The following RAPGEF2 variants were observed in gnomAD, a reference collection of about 807,000 sequenced individuals.
RAPGEF2 encodes Rap guanine nucleotide exchange factor 2, also known as PDZ domain containing guanine nucleotide exchange factor (GEF) 1.
Under a neutral mutation model 186.7 loss-of-function variants are expected in RAPGEF2, and 54 were observed. The ratio of observed to expected loss-of-function variants is 0.29; its 90% CI spans 0.23 to 0.36. The LOEUF is 0.36. RAPGEF2 is among the 10% of genes least tolerant of loss of function. RAPGEF2 has a pLI of 1.00. For synonymous variants in RAPGEF2, 712 were observed against 705.9 expected (o/e 1.01, Z -0.14); for missense variants, 1,532 against 2,045.0 (o/e 0.75, Z 4.84).
intron 3 of RAPGEF2, among the ~76,000 whole-genome samples, chr4:159,196,989 G>A (rs930723428): frequency 6.6e-6 from 1 of 152,196 alleles, no homozygotes; most frequent in East Asian, 1.9e-4. Flanking sequence ...CAACTTTACA[G>A]AATGGAAAAG....
intron 7 of RAPGEF2, among the ~76,000 whole-genome samples, chr4:159,275,048 G>GTC (rs1002098128): frequency 1.6e-5 from 2 of 122,542 alleles, no homozygotes; most frequent in African/African-American, 6.2e-5. Context: ...GTTTTTCTCT[G>GTC]TCTCTCGTGT....
intron 1 of RAPGEF2, among the ~76,000 whole-genome samples, chr4:159,127,678 T>G (rs928093447): frequency 2.0e-5 from 3 of 152,244 alleles, no homozygotes; most frequent in Non-Finnish European, 4.4e-5. Flanking sequence ...TTATAATACC[T>G]TAGCATTCCT....
At chr4:159,143,389 TCA>T (rs1169199249) in intron 1 of RAPGEF2, among the ~76,000 whole-genome samples, 1 of 152,194 alleles carries the variant, frequency 6.6e-6, no homozygotes, top group Non-Finnish European at 1.5e-5. Flanking sequence ...CTGTGGAAAC[TCA>T]CACAATAGAT....
At chr4:159,285,587 G>T (rs564702575) in intron 7 of RAPGEF2, among the ~76,000 whole-genome samples, 1 of 152,296 alleles carries the variant, frequency 6.6e-6, no homozygotes, top group East Asian at 1.9e-4. Flanking sequence ...AAGCAAAAGT[G>T]TAGACGTTTA....
intron 8 of RAPGEF2, among the ~76,000 whole-genome samples, chr4:159,314,268 C>T (rs910290171): frequency 6.6e-6 from 1 of 152,196 alleles, no homozygotes; most frequent in Admixed American, 6.5e-5. Flanking sequence ...TTAGCCTAAG[C>T]CATTCTCTTT....
chr4:159,297,312 G>A (rs934369853), intron 7 of RAPGEF2, among the ~76,000 whole-genome samples: 1 of 152,156 alleles, frequency 6.6e-6, no homozygotes, highest in Non-Finnish European at 1.5e-5. Context: ...AGTGTGCTCC[G>A]TATGGCAGGA....
chr4:159,354,268 C>T (rs774636109), intron 28 of RAPGEF2, among the ~76,000 whole-genome samples: 1 of 152,172 alleles, frequency 6.6e-6, no homozygotes, highest in Non-Finnish European at 1.5e-5. Flanking sequence ...TATAACAAAA[C>T]ATTCAATAAA....
intron 1 of RAPGEF2, among the ~76,000 whole-genome samples, chr4:159,141,342 G>A (rs1742306951): frequency 1.3e-5 from 2 of 152,036 alleles, no homozygotes; most frequent in Non-Finnish European, 2.9e-5. Flanking sequence ...ATATTTCCAC[G>A]AGATGATTCA....
intron 9 of RAPGEF2, among the ~76,000 whole-genome samples, chr4:159,321,222 T>A (rs1561275760): frequency 7.7e-6 from 1 of 130,284 alleles, no homozygotes; most frequent in Non-Finnish European, 1.7e-5. Flanking sequence ...TTTTTTTTTT[T>A]AAGAGACAGA....
chr4:159,103,924 C>G lies in RAPGEF2; in HGVS notation c.-239C>G, dbSNP rs1313479499. The G allele has an allele frequency of 6.5e-6, 1 of 153,036 alleles. No homozygotes were observed. Among genetic ancestry groups the G allele is most frequent in the African/African-American group, 2.4e-5 (1 of 41,368 alleles). The allele number at this position is 153,036 out of a possible 1,614,324, so 9.5% of individuals were successfully genotyped here. A position where few individuals can be genotyped will look rare whatever the true frequency, so the allele number is the denominator to read the frequency against. On this transcript the variant is annotated 5_prime_UTR_variant, in exon 1 of 30. Transcript: ENST00000691494. ...CCTGCGGGCCGCATCGCACGGCAGCCTAGGGGCGCCGCGACCCTCCCGGCT... is the reference window on the plus strand; with the variant it reads ...CCTGCGGGCCGCATCGCACGGCAGCGTAGGGGCGCCGCGACCCTCCCGGCT...
intron 7 of RAPGEF2, among the ~76,000 whole-genome samples, chr4:159,253,680 T>C (rs1189588176): frequency 6.6e-6 from 1 of 152,168 alleles, no homozygotes; most frequent in South Asian, 2.1e-4. Context: ...TGAAAATGTT[T>C]TTCTGTGGCC....
rs1480126967 is a variant in RAPGEF2, at chr4:159,359,764, A to T, written c.*1625A>T. On this transcript the variant is annotated 3_prime_UTR_variant, in exon 30 of 30. Transcript: ENST00000691494. ...GTCAATTATGCATTTGTAATTTTAC[A>T]TGTAATATGCATTATTTGCCAGTTT... 1 of 152,200 alleles carries T rather than the reference A, an allele frequency of 6.6e-6. No homozygotes were observed. Among genetic ancestry groups the T allele is most frequent in the South Asian group, 2.1e-4 (1 of 4,832 alleles). The allele number at this position is 152,200 out of a possible 1,614,324, so 9.4% of individuals were successfully genotyped here. A position where few individuals can be genotyped will look rare whatever the true frequency, so the allele number is the denominator to read the frequency against.
chr4:159,290,768 A>T (rs1579787682), intron 7 of RAPGEF2, among the ~76,000 whole-genome samples: 1 of 151,702 alleles, frequency 6.6e-6, no homozygotes. Context: ...AAAAAAAAAG[A>T]TGAAGGAAAA....
chr4:159,196,647 T>C (rs570666602), intron 3 of RAPGEF2, among the ~76,000 whole-genome samples: 25 of 152,150 alleles, frequency 1.6e-4, no homozygotes, highest in Non-Finnish European at 7.4e-5. Flanking sequence ...CTGTACAGAG[T>C]GTTTAGAGCA....
intron 8 of RAPGEF2, among the ~76,000 whole-genome samples, chr4:159,312,261 T>A (rs1367186748): frequency 6.6e-6 from 1 of 152,208 alleles, no homozygotes; most frequent in Non-Finnish European, 1.5e-5. Context: ...ATGCTAATAT[T>A]AAAGAATGTT....
chr4:159,123,614 G>A lies in RAPGEF2; in HGVS notation c.69+19383G>A, dbSNP rs1739955431. ...AGTGCAGTGGCTCGATCTCAGCTGG[G>A]TTCACGCCATTCTCCTACCTCAGCC... On this transcript the variant is annotated intron_variant, in intron 1 of 29. Coordinates refer to ENST00000691494, the MANE Select transcript of RAPGEF2 (RefSeq NM_001394067.2). Among the ~76,000 whole-genome samples the A allele has an allele frequency of 2.7e-5, 4 of 148,926 alleles. No homozygotes were observed. In the South Asian group the frequency reaches 8.6e-4, roughly 32 times the overall value.
intron 4 of RAPGEF2, 77 bp from the exon 5 acceptor site, chr4:159,238,732 T>G: frequency 9.9e-7 from 1 of 1,010,998 alleles, no homozygotes; most frequent in Non-Finnish European, 1.4e-6. Flanking sequence ...TATCAGGAAG[T>G]TTGGCTTATG....
chr4:159,295,358 G>A (rs1230084452), intron 7 of RAPGEF2, among the ~76,000 whole-genome samples: 1 of 152,094 alleles, frequency 6.6e-6, no homozygotes, highest in Admixed American at 6.6e-5. Flanking sequence ...AATTGAAAAG[G>A]AAAAGGAATT....
intron 1 of RAPGEF2, among the ~76,000 whole-genome samples, chr4:159,176,442 A>T (rs1456943418): frequency 6.6e-6 from 1 of 152,152 alleles, no homozygotes; most frequent in Non-Finnish European, 1.5e-5. Context: ...ATGCTATACA[A>T]TGTTGTATAG....
Sources: allele counts gnomAD v4.1 joint callset (sites outside exome capture counted in the v4.1 genomes callset), GRCh38; gene constraint gnomAD v4.1.1; transcripts MANE v1.5; gene names NCBI Gene and HGNC (gene_info 2026-07-23, HGNC 2026-07-21).